RTN2: variants seen among roughly 807,000 people sequenced by gnomAD.
RTN2 encodes the protein reticulon 2, also known as reticulon-2.
In RTN2, 36 loss-of-function variants were observed where a neutral mutation model predicts 63.7. The ratio of observed to expected loss-of-function variants is 0.56; its 90% CI spans 0.43 to 0.75. The LOEUF (loss-of-function observed/expected upper bound fraction) is 0.75. RTN2 is among the 30% of genes least tolerant of loss of function. RTN2 has a pLI of 0.00. For synonymous variants in RTN2, 312 were observed against 313.0 expected (o/e 1.00, Z 0.03); for missense variants, 673 against 705.1 (o/e 0.95, Z 0.52).
intron 1 of RTN2, 111 bp from the exon 2 acceptor site, chr19:45,495,250 T>C: frequency 7.9e-7 from 1 of 1,264,614 alleles, no homozygotes; most frequent in Non-Finnish European, 1.1e-6. Context: ...TTTAGAACAT[T>C]CTGCACACAG....
intron 5 of RTN2, among the ~76,000 whole-genome samples, chr19:45,490,767 G>A (rs1026648768): frequency 6.6e-6 from 1 of 151,644 alleles, no homozygotes; most frequent in African/African-American, 2.4e-5. Context: ...GGTAGAGATG[G>A]GGTTTCACCA....
chr19:45,485,432 T>G lies in RTN2; in HGVS notation c.*276A>C. ...GCGCCTCCAGCGGCGGGTCCGGAAGTGCAGGGTGGTGCCCTGTCTAGGCAA... is the reference window on the plus strand; with the variant it reads ...GCGCCTCCAGCGGCGGGTCCGGAAGGGCAGGGTGGTGCCCTGTCTAGGCAA... On this transcript the variant is annotated 3_prime_UTR_variant, in exon 11 of 11. Coordinates refer to ENST00000245923, the MANE Select transcript of RTN2 (RefSeq NM_005619.5). 3 of 460,434 alleles carry G rather than the reference T, an allele frequency of 6.5e-6. No homozygotes were observed. The South Asian group carries it at 9.2e-5, about 14-fold the overall frequency. 28.5% of individuals were successfully genotyped at this position (460,434 alleles called of 1,614,324 possible).
intron 1 of RTN2, among the ~76,000 whole-genome samples, chr19:45,495,849 G>T (rs1239794926): frequency 6.6e-6 from 1 of 152,178 alleles, no homozygotes; most frequent in African/African-American, 2.4e-5. Flanking sequence ...GGTGGGGAGA[G>T]ACAGACGAGG....
rs1454110879 is a variant in RTN2 at position 45,495,014 on chromosome 19, G to A, written c.80-9C>T. 3 of 1,614,016 alleles carry A rather than the reference G, an allele frequency of 1.9e-6. No homozygotes were observed. The highest frequency in any genetic ancestry group is 2.2e-5 in the East Asian group (1 of 44,874). The stretch of plus-strand genomic sequence containing the variant: ...AGAGTCGTCGTTCCCTCCTGCAGTG[G>A]GTGAAGGAGAGCCTTGTTTCCCTCA... On this transcript the variant is annotated splice_polypyrimidine_tract_variant and intron_variant, in intron 2 of 10. Coordinates refer to ENST00000245923, the MANE Select transcript of RTN2 (RefSeq NM_005619.5).
chr19:45,491,454 G>T (rs529333639), intron 5 of RTN2, among the ~76,000 whole-genome samples: 170 of 149,886 alleles, frequency 1.1e-3, no homozygotes, highest in Middle Eastern at 3.4e-3. Flanking sequence ...TCTGCCTCCC[G>T]AGTTCAAGAG....
intron 9 of RTN2, among the ~76,000 whole-genome samples, chr19:45,488,211 C>T (rs1390817250): frequency 1.3e-5 from 2 of 152,190 alleles, no homozygotes; most frequent in African/African-American, 4.8e-5. Context: ...CGAGATCACA[C>T]CACTGCACTC....
rs753259137 is a variant in RTN2, at chr19:45,494,930, G to C, written c.155C>G (p.Thr52Arg). ...EFSEEDEEET[T>R]SQDWGTPREL... Reference sequence around the variant, plus strand: ...CCGGGGGGTGCCCCAGTCCTGCGACGTGGTCTCCTCCTCGTCCTCCTCTGA... The same window carrying C: ...CCGGGGGGTGCCCCAGTCCTGCGACCTGGTCTCCTCCTCGTCCTCCTCTGA... The change falls in exon 3 of 11, where the codon ACG becomes AGG. Residue 52 changes from threonine (T) to arginine (R), a missense_variant. Coordinates refer to ENST00000245923, the MANE Select transcript of RTN2 (RefSeq NM_005619.5). This position sits in a 1 kb window ranked among gnomAD's most constrained non-coding sequence, Gnocchi z 5.3. 1.2e-6 allele frequency: 2 copies of C among 1,613,796 alleles called. No homozygotes were observed. The highest frequency in any genetic ancestry group is 1.7e-6 in the Non-Finnish European group (2 of 1,180,020).
intron 5 of RTN2, 32 bp downstream of exon 5, chr19:45,493,128 C>CA (rs1468071305): frequency 5.0e-6 from 8 of 1,597,996 alleles, no homozygotes. Flanking sequence ...CCGCCGACCT[C>CA]AGCCCCCGTC....
At chr19:45,489,064 G>C in intron 6 of RTN2, 78 bp from the exon 7 acceptor site, 1 of 1,502,094 alleles carries the variant, frequency 6.7e-7, no homozygotes, top group Non-Finnish European at 9.1e-7. Flanking sequence ...AAACAAGGGA[G>C]AGGAATGGCG....
At chr19:45,495,861 G>A (rs909928744) in intron 1 of RTN2, among the ~76,000 whole-genome samples, 2 of 152,090 alleles carry the variant, frequency 1.3e-5, no homozygotes, top group African/African-American at 4.8e-5. Context: ...CAGACGAGGT[G>A]GTCCTCCCTT....
At chr19:45,489,575 C>CA (rs1345140931) in intron 5 of RTN2, 22 bp from the exon 6 acceptor site, 7 of 1,563,644 alleles carry the variant, frequency 4.5e-6, no homozygotes, top group Non-Finnish European at 5.2e-6. Context: ...TGGGGGGCAT[C>CA]AGGGCTTGTA....
At chr19:45,496,588 C>T (rs996943741) in intron 1 of RTN2, 68 of 384,878 alleles carry the variant, frequency 1.8e-4, no homozygotes, top group African/African-American at 1.4e-3. Context: ...AGTGCCCCCT[C>T]ACCTCCGCCC....
In RTN2 at chr19:45,485,831, C is replaced by A. The variant is rs868245985; in HGVS notation, c.1557-42G>T. 3 of 1,518,206 alleles carry A rather than the reference C, an allele frequency of 2.0e-6. No individual in the cohort carries two copies. The African/African-American group carries it at 4.1e-5, about 21-fold the overall frequency. 94.0% of individuals were successfully genotyped at this position (1,518,206 alleles called of 1,614,324 possible). ...TGGGATCACGAGGTGGGGCAAGAGA[C>A]GCGGGGTGGGCATCTGGGGACAACG... On this transcript the variant is annotated intron_variant, in intron 10 of 10. Transcript: ENST00000245923.
intron 9 of RTN2, among the ~76,000 whole-genome samples, chr19:45,486,732 C>CTTTTTT (rs780069708): frequency 8.2e-6 from 1 of 121,776 alleles, no homozygotes; most frequent in Admixed American, 9.2e-5. Context: ...CTTTTTCTTT[C>CTTTTTT]TTTCTTTTTT....
At chr19:45,485,978 G>T (rs1325914440) in intron 10 of RTN2, 77 bp downstream of exon 10, 1 of 1,440,626 alleles carries the variant, frequency 6.9e-7, no homozygotes, top group South Asian at 1.2e-5. Context: ...GAGATTTGCG[G>T]ACAGCGAGAG....
chr19:45,490,879 GGTTT>G (rs772336510), intron 5 of RTN2, among the ~76,000 whole-genome samples: 19 of 145,062 alleles, frequency 1.3e-4, no homozygotes, highest in Non-Finnish European at 2.1e-4. Context: ...GCCTGACCTT[GGTTT>G]GTTTGTTTGT....
chr19:45,488,896 C>T lies in RTN2; in HGVS notation c.1332G>A (p.Thr444=), dbSNP rs149504512. ...QITSRVVSAA[T]QLRHFFLVED... ...CTACCAGGAAGAAGTGCCGCAGCTG[C>T]GTGGCCGCCGAGACCACGCGGGAGG... Residue 444 remains threonine (T), a synonymous_variant, in exon 7 of 11, where the codon ACG becomes ACA. Coordinates refer to ENST00000245923, the MANE Select transcript of RTN2 (RefSeq NM_005619.5). 5.0e-6 allele frequency: 8 copies of T among 1,606,878 alleles called. No homozygotes were observed. Among genetic ancestry groups the T allele is most frequent in the Admixed American group, 1.7e-5 (1 of 58,394 alleles).
intron 1 of RTN2, among the ~76,000 whole-genome samples, chr19:45,495,417 G>A (rs1218635832): frequency 6.6e-6 from 1 of 152,166 alleles, no homozygotes; most frequent in African/African-American, 2.4e-5. Context: ...TATGTGCCAG[G>A]CACTGTTCTA....
At chr19:45,488,564 C>T (rs1968078520) in intron 8 of RTN2, 47 bp from the exon 9 acceptor site, 1 of 1,613,296 alleles carries the variant, frequency 6.2e-7, no homozygotes, top group Non-Finnish European at 8.5e-7. Flanking sequence ...AAGAGATGAA[C>T]AGTTCCATCT....
Sources: allele counts gnomAD v4.1 joint callset (sites outside exome capture counted in the v4.1 genomes callset), GRCh38; gene constraint gnomAD v4.1.1; non-coding constraint Gnocchi (gnomAD v3.1); transcripts MANE v1.5; gene names NCBI Gene and HGNC (gene_info 2026-07-23, HGNC 2026-07-21).